The following DMD variants were observed in gnomAD, a reference collection of about 807,000 sequenced individuals.
DMD encodes dystrophin, also known as mutant dystrophin.
A neutral mutation model predicts 330.1 loss-of-function variants in DMD; 63 were observed. That is an observed-to-expected ratio of 0.19 (90% CI 0.16 to 0.24). DMD has a LOEUF of 0.24. Ranked by LOEUF, DMD falls within the 10% of genes least tolerant of loss-of-function variation. The pLI, the probability that DMD is intolerant of heterozygous loss-of-function variation, is 1.00. For missense variants in DMD, 3,344 were observed against 2,684.1 expected (o/e 1.25, Z -5.43); for synonymous variants, 1,223 against 959.8 (o/e 1.27, Z -5.07).
chrX:32,096,251 T>G (rs1243591764), intron 44 of DMD, among the ~76,000 whole-genome samples: 1 of 111,820 alleles, frequency 8.9e-6, no homozygotes, highest in Non-Finnish European at 1.9e-5. Context: ...ACACGCCCAA[T>G]GCCCCACAGA....
At chrX:31,185,107 A>G (rs1330342646) in intron 67 of DMD, among the ~76,000 whole-genome samples, 1 of 110,104 alleles carries the variant, frequency 9.1e-6, no homozygotes, top group Non-Finnish European at 1.9e-5. Context: ...TAAAACTTAA[A>G]GTATAATAAA....
intron 44 of DMD, among the ~76,000 whole-genome samples, chrX:32,199,372 G>T: frequency 9.0e-6 from 1 of 111,323 alleles, no homozygotes; most frequent in Middle Eastern, 4.7e-3. Context: ...CTCCCTGGTG[G>T]CCAAACTCAC....
At chrX:31,851,085 A>G (rs1454935264) in intron 48 of DMD, among the ~76,000 whole-genome samples, 1 of 112,096 alleles carries the variant, frequency 8.9e-6, no homozygotes. Flanking sequence ...AACATTGTTC[A>G]GTTGAGTTTC....
intron 2 of DMD, among the ~76,000 whole-genome samples, chrX:32,957,883 G>C (rs1179103606): frequency 8.9e-6 from 1 of 112,084 alleles, no homozygotes; most frequent in Non-Finnish European, 1.9e-5. Flanking sequence ...CACAGCTGCA[G>C]AGTAAGGCTA....
At chrX:31,424,573 G>T (rs1188347752) in intron 60 of DMD, among the ~76,000 whole-genome samples, 1 of 112,250 alleles carries the variant, frequency 8.9e-6, no homozygotes, top group Non-Finnish European at 1.9e-5. Flanking sequence ...GTAGACATCA[G>T]TTTTTTACGT....
Position 33,072,826 on chromosome X carries a change from A to G in DMD, c.32-52626T>C, listed in dbSNP as rs185787961. 4.0e-3 allele frequency among the ~76,000 whole-genome samples: 445 copies of G among 111,571 alleles called. 3 individuals carry two copies. Among genetic ancestry groups the G allele is most frequent in the African/African-American group, 0.014 (425 of 30,700 alleles). ...TTATGTTACACAGCTGTTTATTACC[A>G]TCAATGTTTTTGAAAACTGGGCAGC... is the stretch of plus-strand genomic sequence containing the variant. On this transcript the variant is annotated intron_variant, in intron 1 of 78. Coordinates refer to ENST00000357033, the MANE Select transcript of DMD (RefSeq NM_004006.3).
intron 18 of DMD, chrX:32,517,807 C>A (rs1245708410): frequency 2.2e-6 from 1 of 456,682 alleles, no homozygotes; most frequent in Non-Finnish European, 3.8e-6. Flanking sequence ...CATCCCTAGT[C>A]AGTCACAGAA....
rs746607414 is a variant in DMD, at chrX:31,223,038, A to G, written c.9361+9T>C. 2 of 1,199,181 alleles carry G rather than the reference A, an allele frequency of 1.7e-6. No individual in the cohort carries two copies. The highest frequency in any genetic ancestry group is 3.0e-5 in the East Asian group (1 of 33,764). On this transcript the variant is annotated intron_variant, in intron 64 of 78. Coordinates refer to ENST00000357033, the MANE Select transcript of DMD (RefSeq NM_004006.3). ...GTATCAAGATCTTCAAATACTGGCC[A>G]ATACTTACAGCAAAGGGCCTTCTGC...
intron 13 of DMD, among the ~76,000 whole-genome samples, chrX:32,593,753 A>C (rs946838119): frequency 8.9e-6 from 1 of 112,457 alleles, no homozygotes; most frequent in African/African-American, 3.2e-5. Context: ...GACCTCTAAA[A>C]CTGAAGACTA....
chrX:32,297,418 C>T (rs190054920), intron 42 of DMD, among the ~76,000 whole-genome samples: 2,651 of 109,548 alleles, frequency 0.024, 43 homozygotes, highest in Middle Eastern at 0.048. Context: ...GGATTACAGG[C>T]GCCCGCCACC....
At chrX:32,644,087 C>G (rs764137241) in intron 11 of DMD, 45 bp downstream of exon 11, 1 of 1,097,151 alleles carries the variant, frequency 9.1e-7, no homozygotes, top group Admixed American at 2.3e-5. Context: ...TCACAAGCTT[C>G]CAAAACTTGT....
intron 16 of DMD, among the ~76,000 whole-genome samples, chrX:32,554,869 AGAAGGAAAG>A (rs2050037123): frequency 1.7e-5 from 1 of 59,507 alleles, no homozygotes; most frequent in Non-Finnish European, 3.5e-5. Flanking sequence ...AGAGAGAGAG[AGAAGGAAAG>A]AAGAAAGAAA....
chrX:31,679,611 T>C (rs781252181), intron 52 of DMD, 25 bp from the exon 53 acceptor site: 2 of 1,143,631 alleles, frequency 1.7e-6, no homozygotes, highest in Non-Finnish European at 2.4e-6. Flanking sequence ...AAAATAAATA[T>C]ATAGTAGTAA....
At chrX:31,498,387 A>G (rs1350817712) in intron 56 of DMD, among the ~76,000 whole-genome samples, 1 of 111,999 alleles carries the variant, frequency 8.9e-6, no homozygotes, top group Admixed American at 9.5e-5. Flanking sequence ...GAATTTAATT[A>G]AATAGCTCTT....
At chrX:31,183,525 T>C (rs1329613727) in intron 67 of DMD, among the ~76,000 whole-genome samples, 1 of 111,664 alleles carries the variant, frequency 9.0e-6, no homozygotes, top group Non-Finnish European at 1.9e-5. Context: ...TCTGCCTCTC[T>C]ATTTCTCTCT....
chrX:31,982,077 C>T (rs2095479486), intron 44 of DMD, among the ~76,000 whole-genome samples: 1 of 112,331 alleles, frequency 8.9e-6, no homozygotes. Context: ...GTTTGTATGA[C>T]AACTCGTTCT....
intron 11 of DMD, among the ~76,000 whole-genome samples, chrX:32,637,868 T>A (rs2059205359): frequency 8.9e-6 from 1 of 112,059 alleles, no homozygotes; most frequent in Non-Finnish European, 1.9e-5. Context: ...TTATGAGAAC[T>A]ACAATTCAAG....
chrX:32,946,847 G>C (rs2090851566), intron 2 of DMD, among the ~76,000 whole-genome samples: 1 of 111,334 alleles, frequency 9.0e-6, no homozygotes, highest in African/African-American at 3.3e-5. Context: ...ACAGCCCAGT[G>C]ACTAGGTTGC....
intron 57 of DMD, among the ~76,000 whole-genome samples, chrX:31,494,046 AC>A (rs201346115): frequency 0.018 from 1,925 of 108,314 alleles, 48 homozygotes; most frequent in African/African-American, 0.062. Flanking sequence ...AGTCCCAGCT[AC>A]TCGGGAGGCT....
Sources: allele counts gnomAD v4.1 joint callset (sites outside exome capture counted in the v4.1 genomes callset), GRCh38; gene constraint gnomAD v4.1.1; transcripts MANE v1.5; gene names NCBI Gene and HGNC (gene_info 2026-07-23, HGNC 2026-07-21).